The following PDE8B variants were observed in gnomAD, a reference collection of about 807,000 sequenced individuals.
PDE8B encodes high affinity cAMP-specific and IBMX-insensitive 3',5'-cyclic phosphodiesterase 8B.
In PDE8B, 26 loss-of-function variants were observed where a neutral mutation model predicts 101.3. The ratio of observed to expected loss-of-function variants is 0.26; its 90% CI spans 0.19 to 0.36. The LOEUF is 0.36. PDE8B is among the 10% of genes least tolerant of loss of function. The pLI, the probability that PDE8B is intolerant of heterozygous loss-of-function variation, is 1.00. For synonymous variants in PDE8B, 424 were observed against 429.3 expected, an observed-to-expected ratio of 0.99 and a Z score of 0.15; for missense variants, 810 against 1,163.1, an observed-to-expected ratio of 0.70 and a Z score of 4.42.
chr5:77,338,811 AT>A (rs1245059078), intron 6 of PDE8B, among the ~76,000 whole-genome samples: 2 of 152,252 alleles, frequency 1.3e-5, no homozygotes, highest in African/African-American at 4.8e-5. Flanking sequence ...ATTACCCACC[AT>A]AAAAAATGAA....
chr5:77,149,778 G>A, the PDE8B span, among the ~76,000 whole-genome samples: 27,380 of 151,936 alleles, frequency 0.18, 5,291 homozygotes, highest in African/African-American at 0.49. Context: ...TTTTCTATAC[G>A]CAAGATTATG....
chr5:77,104,058 C>G, the PDE8B span, among the ~76,000 whole-genome samples: 1 of 152,170 alleles, frequency 6.6e-6, no homozygotes, highest in Admixed American at 6.5e-5. Flanking sequence ...TGGCTGAGGA[C>G]AGCTAAGTTC....
intron 1 of PDE8B, among the ~76,000 whole-genome samples, chr5:77,239,081 A>G (rs900450351): frequency 1.3e-5 from 2 of 152,206 alleles, no homozygotes; most frequent in African/African-American, 4.8e-5. Context: ...TCATCACAAC[A>G]TCTGTCAATT....
rs542147318 is a variant in PDE8B, at chr5:77,311,174, A to G, written c.340-820A>G. Among the ~76,000 whole-genome samples, 7 of 152,298 alleles carry G rather than the reference A, an allele frequency of 4.6e-5. No homozygotes were observed. In the South Asian group the frequency reaches 1.5e-3, roughly 32 times the overall value. On this transcript the variant is annotated intron_variant, in intron 1 of 21. Transcript: ENST00000264917. ...GAGAAAAACAAAATTGGATCCATGG[A>G]GGTGAGGTCAAGACCGTCAACCAAA...
chr5:77,117,391 G>A, the PDE8B span, among the ~76,000 whole-genome samples: 1 of 152,146 alleles, frequency 6.6e-6, no homozygotes. Context: ...GGGAACCTAG[G>A]TTTTATGTGA....
At chr5:77,135,778 A>ATTT in the PDE8B span, among the ~76,000 whole-genome samples, 3 of 146,020 alleles carry the variant, frequency 2.1e-5, no homozygotes, top group Non-Finnish European at 4.5e-5. Context: ...CCTGGCTGGA[A>ATTT]TTTTTTTTTT....
chr5:77,111,303 G>C, the PDE8B span, among the ~76,000 whole-genome samples: 15 of 152,290 alleles, frequency 9.8e-5, no homozygotes, highest in East Asian at 1.4e-3. Context: ...ATAACTGCTA[G>C]GTATTAGCTT....
chr5:77,372,530 A>ACCTG (rs1303307010), intron 10 of PDE8B, among the ~76,000 whole-genome samples: 1 of 152,236 alleles, frequency 6.6e-6, no homozygotes, highest in East Asian at 1.9e-4. Flanking sequence ...GATAGAATTC[A>ACCTG]CCTGTGAAGG....
chr5:77,422,580 T>C (rs1796899635), intron 20 of PDE8B, among the ~76,000 whole-genome samples: 1 of 152,162 alleles, frequency 6.6e-6, no homozygotes, highest in African/African-American at 2.4e-5. Context: ...ATAGAATTTT[T>C]ATAAAAAGGG....
At chr5:77,265,046 T>C (rs1346877250) in intron 1 of PDE8B, among the ~76,000 whole-genome samples, 1 of 152,230 alleles carries the variant, frequency 6.6e-6, no homozygotes, top group East Asian at 1.9e-4. Context: ...ATTCTGTCTT[T>C]TTACACTGTT....
At position 77,210,757 on chromosome 5, in the gene PDE8B, G is replaced by T; in HGVS notation, c.-169G>T. The T allele has an allele frequency of 1.0e-6, 1 of 982,306 alleles. No homozygotes were observed. 60.8% of individuals were successfully genotyped at this position (982,306 alleles called of 1,614,324 possible). ...GGGGTGACGCGCGCGGTCCCCGGAGGCTCGGCGGGGGGCACCGCGGCCAGC... is the reference window on the plus strand; with the variant it reads ...GGGGTGACGCGCGCGGTCCCCGGAGTCTCGGCGGGGGGCACCGCGGCCAGC... On this transcript the variant is annotated 5_prime_UTR_variant, in exon 1 of 22. Coordinates refer to ENST00000264917, the MANE Select transcript of PDE8B (RefSeq NM_003719.5). The surrounding 1 kb of genome is among the most constrained non-coding windows in gnomAD (Gnocchi z 4.9).
rs139149784 is a variant in PDE8B, at chr5:77,364,368, G to A, written c.1167+10962G>A. On this transcript the variant is annotated intron_variant, in intron 10 of 21. Coordinates refer to ENST00000264917, the MANE Select transcript of PDE8B (RefSeq NM_003719.5). ...GGTCAAAGCAGTGTTCATCACATAA[G>A]ATTAGACTCAAGCGTCTGGATCTTC... Among the ~76,000 whole-genome samples the A allele has an allele frequency of 9.5e-3, 1,451 of 152,304 alleles. 10 individuals are homozygous for A. The highest frequency in any genetic ancestry group is 0.016 in the Non-Finnish European group (1,101 of 68,038).
At chr5:77,376,658 T>G (rs1387945630) in intron 10 of PDE8B, among the ~76,000 whole-genome samples, 1 of 152,222 alleles carries the variant, frequency 6.6e-6, no homozygotes, top group Admixed American at 6.5e-5. Flanking sequence ...AAAGTTCTAA[T>G]GAACAGCATT....
chr5:77,408,273 GGTGT>G (rs1381975131), intron 13 of PDE8B, among the ~76,000 whole-genome samples: 3 of 152,192 alleles, frequency 2.0e-5, no homozygotes. Flanking sequence ...CCAGGTTTTT[GGTGT>G]GAGCATGAAG....
At chr5:77,134,019 G>C in the PDE8B span, among the ~76,000 whole-genome samples, 2 of 152,294 alleles carry the variant, frequency 1.3e-5, no homozygotes, top group Admixed American at 1.3e-4. Flanking sequence ...CCCACTACCT[G>C]GGGCCGATCT....
intron 5 of PDE8B, among the ~76,000 whole-genome samples, chr5:77,332,619 C>T (rs539638306): frequency 1.3e-5 from 2 of 152,128 alleles, no homozygotes; most frequent in Non-Finnish European, 2.9e-5. Context: ...AGGCAGATCA[C>T]CTGAGGTTGG....
chr5:77,305,697 G>A (rs374749363), intron 1 of PDE8B, among the ~76,000 whole-genome samples: 5 of 152,286 alleles, frequency 3.3e-5, no homozygotes, highest in African/African-American at 9.6e-5. Context: ...GAGCTCAGAC[G>A]AATAAAGAAC....
chr5:77,350,581 G>T (rs756526174), intron 8 of PDE8B, among the ~76,000 whole-genome samples: 10 of 152,004 alleles, frequency 6.6e-5, no homozygotes, highest in Non-Finnish European at 1.3e-4. Context: ...TGGCTGGGGG[G>T]CCCGTAGGAT....
the PDE8B span, among the ~76,000 whole-genome samples, chr5:77,190,846 AAT>A: frequency 9.2e-5 from 14 of 152,238 alleles, no homozygotes; most frequent in Admixed American, 9.2e-4. Context: ...GCCCAAGAAT[AAT>A]ATGATTCGTA....
Sources: gnomAD v4.1 joint callset for allele counts (sites outside exome capture counted in the v4.1 genomes callset) on GRCh38, gnomAD v4.1.1 for gene constraint, Gnocchi (gnomAD v3.1) non-coding constraint, MANE v1.5 for transcripts, NCBI Gene and HGNC (gene_info 2026-07-23, HGNC 2026-07-21) for gene names.